The following SCNN1D variants were observed in gnomAD, a reference collection of about 807,000 sequenced individuals.
SCNN1D encodes sodium channel epithelial 1 subunit delta, also known as epithelial sodium channel subunit delta.
SCNN1D carries 104 observed loss-of-function variants against 87.8 expected under a neutral mutation model. The observed-to-expected ratio is 1.18, with a 90% CI of 1.01 to 1.39. The LOEUF is 1.39. Among genes scored for constraint, SCNN1D ranks in the 40% most tolerant of loss-of-function variants. The pLI is 0.00. For synonymous variants in SCNN1D, 628 were observed against 481.2 expected (o/e 1.31, Z -3.99); for missense variants, 1,324 against 1,093.9 (o/e 1.21, Z -2.97).
chr1:1,287,069 G>C, intron 8 of SCNN1D, 40 bp from the exon 9 acceptor site: 1 of 1,578,860 alleles, frequency 6.3e-7, no homozygotes, highest in South Asian at 1.2e-5. Flanking sequence ...GCGGGGCCTG[G>C]GCTGTAGCCA....
At chr1:1,284,592 T>C (rs1175428914) in intron 5 of SCNN1D, among the ~76,000 whole-genome samples, 2 of 151,092 alleles carry the variant, frequency 1.3e-5, no homozygotes, top group Non-Finnish European at 3.0e-5. Flanking sequence ...GCCGAGCGTG[T>C]GCTGGACCAC....
chr1:1,281,311 C>T lies in SCNN1D; in HGVS notation c.77+14C>T. ...CGGCCCAAGGAGGTGAGCTCACAGC[C>T]ATGCTCGGTCAATGGGGCCTGGCCG... On this transcript the variant is annotated intron_variant, in intron 2 of 17. Transcript: ENST00000379116. The T allele has an allele frequency of 3.9e-6, 6 of 1,535,742 alleles. No homozygotes were observed. The highest frequency in any genetic ancestry group is 5.2e-6 in the Non-Finnish European group (6 of 1,146,728).
At chr1:1,283,215 T>G (rs1640505528) in intron 4 of SCNN1D, among the ~76,000 whole-genome samples, 1 of 152,168 alleles carries the variant, frequency 6.6e-6, no homozygotes, top group Non-Finnish European at 1.5e-5. Context: ...GGGGAGCAGG[T>G]GCCTTCTCCA....
intron 5 of SCNN1D, 49 bp from the exon 6 acceptor site, chr1:1,285,522 G>A (rs773635937): frequency 1.5e-4 from 190 of 1,293,846 alleles, no homozygotes; most frequent in Non-Finnish European, 1.7e-5. Flanking sequence ...CTGAGCCCCA[G>A]ACCCCACGCG....
Position 1,290,668 on chromosome 1 carries a change from T to C in SCNN1D, c.1891T>C (p.Ser631Pro), listed in dbSNP as rs763714207. Reference protein sequence around the residue: ...ESAFKLSTGTSRWPSAKSAGW... With the variant: ...ESAFKLSTGTPRWPSAKSAGW... ...TGCATTCAAGCTCTCCACTGGGACC[T>C]CCAGGTGGCCTTCCGCCAAGTCAGC... The change falls in exon 15 of 18, where the codon TCC becomes CCC. Residue 631 changes from serine to proline, a missense_variant. By Grantham distance (74) the Ser-to-Pro change is moderately conservative. Transcript: ENST00000379116. 6.2e-7 allele frequency: 1 copy of C among 1,612,612 alleles called. No homozygotes were observed. Among genetic ancestry groups the C allele is most frequent in the Non-Finnish European group, 8.5e-7 (1 of 1,179,918 alleles).
chr1:1,291,151 GCC>G lies in SCNN1D; in HGVS notation c.2052+15_2052+16del. On this transcript the variant is annotated intron_variant, in intron 17 of 17. Transcript: ENST00000379116. ...GCGCCCGTGTACTCGGTGAGCCTTG[GCC>G]CCCTGCCTGGGCTAGAGCGGGGGCA... The G allele has an allele frequency of 6.2e-7, 1 of 1,610,690 alleles. No homozygotes were observed. The highest frequency in any genetic ancestry group is 8.5e-7 in the Non-Finnish European group (1 of 1,179,096).
chr1:1,283,999 C>A lies in SCNN1D; in HGVS notation c.373C>A (p.Leu125Ile). ...SRQEARGSILLQSCQLPPQWL... is the reference protein window; with the variant it reads ...SRQEARGSILIQSCQLPPQWL... ...ATAGGAGGCCAGAGGCTCCATCCTG[C>A]TTCAGAGCTGCCAGCTGCCCCCGCA... The change falls in exon 5 of 18, where the codon CTT becomes ATT. Residue 125 changes from leucine (L) to isoleucine (I), a missense_variant. Transcript: ENST00000379116. 6.9e-7 allele frequency: 1 copy of A among 1,449,162 alleles called. No homozygotes were observed. The highest frequency in any genetic ancestry group is 9.0e-7 in the Non-Finnish European group (1 of 1,105,896). 89.8% of individuals were successfully genotyped at this position (1,449,162 alleles called of 1,614,324 possible).
chr1:1,286,163 C>T lies in SCNN1D; in HGVS notation c.796C>T (p.Gln266Ter). The T allele has an allele frequency of 1.2e-6, 2 of 1,607,528 alleles. No individual in the cohort carries two copies. The highest frequency in any genetic ancestry group is 8.5e-7 in the Non-Finnish European group (1 of 1,179,082). ...SLGALVALCWQLGLLFERHWH... is the reference protein window; with the variant it reads ...SLGALVALCW ...GGGAGCCCTGGTCGCGCTCTGCTGG[C>T]AGCTGGGGCTCCTCTTTGAGCGTCA... The change falls in exon 7 of 18, where the codon CAG (glutamine) becomes TAG (stop). Residue 266 changes from glutamine to a stop codon, truncating the protein, a stop_gained. Coordinates refer to ENST00000379116, the MANE Select transcript of SCNN1D (RefSeq NM_001130413.4). LOFTEE classifies it high-confidence loss of function.
intron 12 of SCNN1D, among the ~76,000 whole-genome samples, chr1:1,288,258 CGTGTCTCTGCT>C (rs1640663486): frequency 1.1e-3 from 145 of 128,080 alleles, no homozygotes; most frequent in Non-Finnish European, 1.5e-3. Context: ...TGCTCCGTCC[CGTGTCTCTGCT>C]CCGTCCCCCG....
At position 1,284,009 on chromosome 1, in the gene SCNN1D, G is replaced by A. The variant is rs959246699; in HGVS notation, c.383G>A (p.Cys128Tyr). The change falls in exon 5 of 18, where the codon TGC becomes TAC. Residue 128 changes from cysteine to tyrosine, a missense_variant. Coordinates refer to ENST00000379116, the MANE Select transcript of SCNN1D (RefSeq NM_001130413.4). ...EARGSILLQS[C>Y]QLPPQWLSTE... ...AGAGGCTCCATCCTGCTTCAGAGCT[G>A]CCAGCTGCCCCCGCAATGGCTGAGC... 10 of 1,439,270 alleles carry A rather than the reference G, an allele frequency of 6.9e-6. No homozygotes were observed. The highest frequency in any genetic ancestry group is 3.1e-5 in the Admixed American group (1 of 32,742). The allele number at this position is 1,439,270 out of a possible 1,614,324, so 89.2% of individuals were successfully genotyped here.
At position 1,283,983 on chromosome 1, in the gene SCNN1D, CAG is replaced by C; in HGVS notation, c.360_361del (p.Gly121LeufsTer151). ...AASFQSRQEA[R>X]GSILLQSCQL... ...AGCCAGCCTGTTTTAAATAGGAGGC[CAG>C]AGGCTCCATCCTGCTTCAGAGCTGC... On this transcript the variant is annotated frameshift_variant, in exon 5 of 18. Transcript: ENST00000379116. LOFTEE classifies it high-confidence loss of function. 1 of 1,456,866 alleles carries C rather than the reference CAG, an allele frequency of 6.9e-7. No homozygotes were observed. Among genetic ancestry groups the C allele is most frequent in the Non-Finnish European group, 9.0e-7 (1 of 1,108,280 alleles). 90.2% of individuals were successfully genotyped at this position (1,456,866 alleles called of 1,614,324 possible). A position where few individuals can be genotyped will look rare whatever the true frequency, so the allele number is the denominator to read the frequency against.
chr1:1,288,299 G>GTCTCTGCTCCGTCCCCCGAGTC (rs1228055984), intron 12 of SCNN1D, among the ~76,000 whole-genome samples: 1 of 52,222 alleles, frequency 1.9e-5, no homozygotes. Context: ...TCCGTCCCGT[G>GTCTCTGCTCCGTCCCCCGAGTC]TCTGCTCCGT....
intron 4 of SCNN1D, among the ~76,000 whole-genome samples, chr1:1,283,656 C>T (rs1319354270): frequency 6.6e-6 from 1 of 152,066 alleles, no homozygotes; most frequent in Non-Finnish European, 1.5e-5. Context: ...CTAGATCGTG[C>T]CATTGCACTC....
chr1:1,290,841 A>T (rs2273275), intron 15 of SCNN1D, 54 bp from the exon 16 acceptor site: 1 of 1,596,662 alleles, frequency 6.3e-7, no homozygotes, highest in Non-Finnish European at 8.5e-7. Context: ...CGTGGTACCC[A>T]GGATGGCCGG....
At chr1:1,280,778 T>C in intron 1 of SCNN1D, 112 bp downstream of exon 1, 1 of 654,608 alleles carries the variant, frequency 1.5e-6, no homozygotes, top group Non-Finnish European at 2.8e-6. Context: ...TATAATTTTA[T>C]TTTTGGTTTA....
chr1:1,286,926 T>A lies in SCNN1D; in HGVS notation c.1070T>A (p.Leu357Gln). 1 of 1,612,406 alleles carries A rather than the reference T, an allele frequency of 6.2e-7. No homozygotes were observed. The highest frequency in any genetic ancestry group is 8.5e-7 in the Non-Finnish European group (1 of 1,179,834). The change falls in exon 8 of 18, where the codon CTG becomes CAG. Residue 357 changes from leucine (L) to glutamine (Q), a missense_variant. Coordinates refer to ENST00000379116, the MANE Select transcript of SCNN1D (RefSeq NM_001130413.4). ...PPFHLDREIR[L>Q]QRLSHSGSRV... ...TTCCACCTGGACCGGGAGATCCGTC[T>A]GCAGAGGCTGAGCCACTCGGGCAGC...
Position 1,285,998 on chromosome 1 carries a change from G to A in SCNN1D, c.631G>A (p.Glu211Lys). ...ACCACCACCCAAGGAGGGGCACCAG[G>A]AGGGGCTGGTGGAGCTGCCCGCCTC... ...PPPPPKEGHQ[E>K]GLVELPASFR... Residue 211 changes from glutamate to lysine, a missense_variant, in exon 7 of 18, where the codon GAG becomes AAG. Coordinates refer to ENST00000379116, the MANE Select transcript of SCNN1D (RefSeq NM_001130413.4). 1 of 1,561,044 alleles carries A rather than the reference G, an allele frequency of 6.4e-7. No homozygotes were observed. Among genetic ancestry groups the A allele is most frequent in the Non-Finnish European group, 8.7e-7 (1 of 1,152,180 alleles).
chr1:1,288,093 G>C, intron 12 of SCNN1D, 56 bp downstream of exon 12: 1 of 1,053,580 alleles, frequency 9.5e-7, no homozygotes, highest in South Asian at 1.5e-5. Flanking sequence ...TGGCCAGGGG[G>C]TGTGGGCGGG....
chr1:1,286,599 G>A (rs932584646), intron 7 of SCNN1D, among the ~76,000 whole-genome samples, 169 bp from the exon 8 acceptor site: 8 of 152,114 alleles, frequency 5.3e-5, no homozygotes, highest in Non-Finnish European at 8.8e-5. Context: ...GGGCTCCGGG[G>A]CCGACCTCAC....
Sources: gnomAD v4.1 joint callset for allele counts (sites outside exome capture counted in the v4.1 genomes callset) on GRCh38, gnomAD v4.1.1 for gene constraint, MANE v1.5 for transcripts, NCBI Gene and HGNC (gene_info 2026-07-23, HGNC 2026-07-21) for gene names.